PTPRF: variants seen among roughly 807,000 people sequenced by gnomAD.
PTPRF encodes protein tyrosine phosphatase receptor type F.
A neutral mutation model predicts 201.8 loss-of-function variants in PTPRF; 59 were observed. The observed-to-expected ratio is 0.29, with a 90% CI of 0.24 to 0.36. The LOEUF (loss-of-function observed/expected upper bound fraction) is 0.36, where lower values mean the gene tolerates loss of function less well. Among genes scored for constraint, PTPRF ranks in the 10% least tolerant of loss-of-function variants. PTPRF has a pLI of 1.00. For missense variants in PTPRF, 2,132 were observed against 2,690.5 expected, an observed-to-expected ratio of 0.79 and a Z score of 4.59; for synonymous variants, 1,088 against 1,089.7, an observed-to-expected ratio of 1.00 and a Z score of 0.03.
chr1:43,597,467 CTGTG>C (rs1349276393), intron 11 of PTPRF, among the ~76,000 whole-genome samples: 11 of 151,928 alleles, frequency 7.2e-5, no homozygotes, highest in Non-Finnish European at 1.6e-4. Context: ...GAGACTGACA[CTGTG>C]TGTGAGGCTG....
In PTPRF at chr1:43,623,289, C is replaced by T. The variant is rs1190042531; in HGVS notation, c.*1286C>T. Reference sequence around the variant, plus strand: ...TCCACTCCAAGATGCCCTCATAAACCAATGTGGCAAGACTACTGGACTTCT... The same window carrying T: ...TCCACTCCAAGATGCCCTCATAAACTAATGTGGCAAGACTACTGGACTTCT... On this transcript the variant is annotated 3_prime_UTR_variant, in exon 34 of 34. Transcript: ENST00000359947. The T allele has an allele frequency of 2.0e-5, 3 of 152,760 alleles. No homozygotes were observed. Among genetic ancestry groups the T allele is most frequent in the Middle Eastern group, 3.4e-3 (1 of 294 alleles). 9.5% of individuals were successfully genotyped at this position (152,760 alleles called of 1,614,324 possible). A position where few individuals can be genotyped will look rare whatever the true frequency, so the allele number is the denominator to read the frequency against.
chr1:43,600,842 TTCCTTCATCTCCATTTGGTTTCA>T (rs1180877789), intron 13 of PTPRF, among the ~76,000 whole-genome samples: 1 of 152,040 alleles, frequency 6.6e-6, no homozygotes, highest in African/African-American at 2.4e-5. Context: ...TCTGACCCCT[TTCCTTCATCTCCATTTGGTTTCA>T]TCCTCCGTCC....
intron 3 of PTPRF, among the ~76,000 whole-genome samples, chr1:43,545,774 C>T (rs1385220019): frequency 1.3e-5 from 2 of 152,100 alleles, no homozygotes; most frequent in African/African-American, 2.4e-5. Flanking sequence ...TGTGTTTGGC[C>T]GGCAGGAAGC....
chr1:43,591,788 C>T, intron 9 of PTPRF, 24 bp from the exon 10 acceptor site: 1 of 1,612,074 alleles, frequency 6.2e-7, no homozygotes, highest in East Asian at 2.2e-5. Context: ...ATGAGGCTGA[C>T]CTGCCTGGTG....
intron 12 of PTPRF, 189 bp downstream of exon 12, chr1:43,598,242 G>A (rs1364342562): frequency 1.7e-6 from 1 of 583,620 alleles, no homozygotes; most frequent in Non-Finnish European, 2.8e-6. Context: ...CTTTGGGGCT[G>A]TCTCCAAAGC....
intron 11 of PTPRF, among the ~76,000 whole-genome samples, chr1:43,596,123 CCG>C (rs1652204683): frequency 1.3e-5 from 2 of 152,064 alleles, no homozygotes; most frequent in South Asian, 4.2e-4. Flanking sequence ...AGGTGGTAGA[CCG>C]TGGAAGCTGA....
chr1:43,612,786 G>A (rs1656782623), intron 22 of PTPRF: 1 of 1,365,776 alleles, frequency 7.3e-7, no homozygotes, highest in African/African-American at 1.5e-5. Flanking sequence ...GTCCCCAGTT[G>A]CCCGAATACC....
At chr1:43,552,663 G>A (rs60918019) in intron 3 of PTPRF, among the ~76,000 whole-genome samples, 2,939 of 152,278 alleles carry the variant, frequency 0.019, 102 homozygotes, top group African/African-American at 0.067. Flanking sequence ...CTACAAGATT[G>A]TAGCAAATGG....
intron 6 of PTPRF, among the ~76,000 whole-genome samples, chr1:43,577,656 C>A (rs1000917297): frequency 6.6e-6 from 1 of 152,130 alleles, no homozygotes; most frequent in Non-Finnish European, 1.5e-5. Context: ...AGGGGGGGCC[C>A]GGCAGCTTCT....
In PTPRF at chr1:43,617,795, G is replaced by A. The variant is rs1337100027; in HGVS notation, c.4255G>A (p.Ala1419Thr). 1 of 1,614,010 alleles carries A rather than the reference G, an allele frequency of 6.2e-7. No individual in the cohort carries two copies. The highest frequency in any genetic ancestry group is 1.3e-5 in the African/African-American group (1 of 74,918). ...CATCGATGGCTACCGCAAGCAGAATGCCTACATCGCCACGCAGGGCCCCCT... is the reference window on the plus strand; with the variant it reads ...CATCGATGGCTACCGCAAGCAGAATACCTACATCGCCACGCAGGGCCCCCT... ...NYIDGYRKQN[A>T]YIATQGPLPE... The change falls in exon 25 of 34, where the codon GCC becomes ACC. Residue 1419 changes from alanine to threonine, a missense_variant. Physicochemically the swap from Ala to Thr is moderately conservative, Grantham distance 58. Transcript: ENST00000359947.
Position 43,591,850 on chromosome 1 carries a change from T to A in PTPRF, c.1570T>A (p.Ser524Thr). ...QPADFQAEVE[S>T]DTRIQLSWLL... The stretch of plus-strand genomic sequence containing the variant: ...CGCGGACTTCCAGGCCGAGGTGGAG[T>A]CGGACACCAGGATCCAGCTCTCGTG... Residue 524 changes from serine (S) to threonine (T), a missense_variant, in exon 10 of 34, where the codon TCG becomes ACG. Physicochemically the swap from Ser to Thr is moderately conservative, Grantham distance 58. This residue lies in a region of PTPRF where 351 missense variants were observed against 401.7 expected (regional missense o/e 0.87). Transcript: ENST00000359947. The A allele has an allele frequency of 6.2e-7, 1 of 1,612,802 alleles. No homozygotes were observed. The highest frequency in any genetic ancestry group is 8.5e-7 in the Non-Finnish European group (1 of 1,179,884).
chr1:43,621,024 G>C, intron 32 of PTPRF, 32 bp downstream of exon 32: 2 of 1,610,374 alleles, frequency 1.2e-6, no homozygotes, highest in East Asian at 2.2e-5. Flanking sequence ...GCTGGGGTGG[G>C]TGGGCCTGAA....
At chr1:43,568,480 C>T (rs1168242963) in intron 5 of PTPRF, among the ~76,000 whole-genome samples, 6 of 152,182 alleles carry the variant, frequency 3.9e-5, no homozygotes, top group Non-Finnish European at 5.9e-5. Context: ...AGATGCTCCG[C>T]AACACCTTGC....
At position 43,553,152 on chromosome 1, in the gene PTPRF, A is replaced by G. The variant is rs1645138464; in HGVS notation, c.92-340A>G. Reference sequence around the variant, plus strand: ...AGCTTGGAATTGATGTGGGGCGGGCAACAGAAGGGTGCAGTGGTAGTGTGA... The same window carrying G: ...AGCTTGGAATTGATGTGGGGCGGGCGACAGAAGGGTGCAGTGGTAGTGTGA... On this transcript the variant is annotated intron_variant, in intron 3 of 33. Coordinates refer to ENST00000359947, the MANE Select transcript of PTPRF (RefSeq NM_002840.5). The surrounding 1 kb of genome is among the most constrained non-coding windows in gnomAD (Gnocchi z 4.1). Among the ~76,000 whole-genome samples, 2 of 152,146 alleles carry G rather than the reference A, an allele frequency of 1.3e-5. No individual in the cohort carries two copies. Among genetic ancestry groups the G allele is most frequent in the South Asian group, 4.1e-4 (2 of 4,826 alleles).
chr1:43,559,909 G>C (rs571043975), intron 5 of PTPRF, among the ~76,000 whole-genome samples: 1 of 148,570 alleles, frequency 6.7e-6, no homozygotes, highest in Non-Finnish European at 1.5e-5. Context: ...GTGTGTGTGC[G>C]CGCGTGTGTA....
At chr1:43,574,344 T>G (rs1364112615) in intron 6 of PTPRF, among the ~76,000 whole-genome samples, 1 of 152,166 alleles carries the variant, frequency 6.6e-6, no homozygotes, top group Non-Finnish European at 1.5e-5. Context: ...ATATTAAGAC[T>G]GAGATTATTT....
intron 6 of PTPRF, among the ~76,000 whole-genome samples, chr1:43,571,019 A>G (rs1646532423): frequency 6.6e-6 from 1 of 152,048 alleles, no homozygotes; most frequent in South Asian, 2.1e-4. Context: ...GCCCCTCCAC[A>G]GAACCACATG....
intron 1 of PTPRF, among the ~76,000 whole-genome samples, chr1:43,533,862 G>C (rs1643855060): frequency 6.6e-6 from 1 of 152,198 alleles, no homozygotes; most frequent in South Asian, 2.1e-4. Context: ...CTGTGTGCCA[G>C]ACCCCGGGGT....
chr1:43,597,798 A>G lies in PTPRF; in HGVS notation c.1864A>G (p.Thr622Ala). 6.5e-7 allele frequency: 1 copy of G among 1,533,102 alleles called. No homozygotes were observed. The highest frequency in any genetic ancestry group is 8.8e-7 in the Non-Finnish European group (1 of 1,137,288). 95.0% of individuals were successfully genotyped at this position (1,533,102 alleles called of 1,614,324 possible). A position where few individuals can be genotyped will look rare whatever the true frequency, so the allele number is the denominator to read the frequency against. ...GATGTGTGTGAGCATGGGCTCCACC[A>G]CGGTCCGGGTAAGTTGGGTCCCGCC... Reference protein sequence around the residue: ...KVMCVSMGSTTVRVSWVPPPA... With the variant: ...KVMCVSMGSTAVRVSWVPPPA... The change falls in exon 12 of 34, where the codon ACG becomes GCG. Residue 622 changes from threonine (T) to alanine (A), a missense_variant. Physicochemically the swap from Thr to Ala is moderately conservative, Grantham distance 58. This residue lies in a region of PTPRF where 125 missense variants were observed against 211.9 expected (regional missense o/e 0.59). Coordinates refer to ENST00000359947, the MANE Select transcript of PTPRF (RefSeq NM_002840.5).
Sources: gnomAD v4.1 joint callset for allele counts (sites outside exome capture counted in the v4.1 genomes callset) on GRCh38, gnomAD v4.1.1 for gene constraint, gnomAD v4.1.1 regional missense constraint, Gnocchi (gnomAD v3.1) non-coding constraint, MANE v1.5 for transcripts, NCBI Gene and HGNC (gene_info 2026-07-23, HGNC 2026-07-21) for gene names.